The following PCDHGA11 variants were observed in gnomAD, a reference collection of about 807,000 sequenced individuals.
The protein encoded by PCDHGA11 is protocadherin gamma-A11.
In PCDHGA11, 39 loss-of-function variants were observed where a neutral mutation model predicts 60.4. That is an observed-to-expected ratio of 0.65 (90% CI 0.50 to 0.84). PCDHGA11 has a LOEUF of 0.84. Among genes scored for constraint, PCDHGA11 ranks in the 40% least tolerant of loss-of-function variants. The pLI, the probability that PCDHGA11 is intolerant of heterozygous loss-of-function variation, is 0.00. For synonymous variants in PCDHGA11, 533 were observed against 510.3 expected, an observed-to-expected ratio of 1.04 and a Z score of -0.60; for missense variants, 1,165 against 1,197.7, an observed-to-expected ratio of 0.97 and a Z score of 0.40.
intron 1 of PCDHGA11, among the ~76,000 whole-genome samples, chr5:141,488,510 G>A (rs910546464): frequency 1.3e-5 from 2 of 152,152 alleles, no homozygotes; most frequent in Non-Finnish European, 2.9e-5. Context: ...TCCACATTTG[G>A]GGTCTGGGGT....
Position 141,422,092 on chromosome 5 carries a change from G to C in PCDHGA11, c.865G>C (p.Ala289Pro). 1 of 1,611,520 alleles carries C rather than the reference G, an allele frequency of 6.2e-7. No individual in the cohort carries two copies. Among genetic ancestry groups the C allele is most frequent in the Non-Finnish European group, 8.5e-7 (1 of 1,179,176 alleles). The change falls in exon 1 of 4, where the codon GCT becomes CCT. Residue 289 changes from alanine to proline, a missense_variant. By Grantham distance (27) the Ala-to-Pro change is conservative (BLOSUM62 -1). Coordinates refer to ENST00000398587, the MANE Select transcript of PCDHGA11 (RefSeq NM_018914.3). ...MYSFRNMESK[A>P]SEIFQLDSQT... Reference sequence around the variant, plus strand: ...TTCATTTCGGAACATGGAAAGCAAGGCTTCTGAAATATTCCAATTGGATTC... The same window carrying C: ...TTCATTTCGGAACATGGAAAGCAAGCCTTCTGAAATATTCCAATTGGATTC...
intron 1 of PCDHGA11, chr5:141,427,090 A>G: frequency 2.2e-6 from 1 of 458,214 alleles, no homozygotes; most frequent in East Asian, 6.9e-5. Context: ...GACCAGGATG[A>G]GGGTGTCAAT....
In PCDHGA11 at chr5:141,427,233, G is replaced by A. The variant is rs147039909; in HGVS notation, c.2433+3573G>A. On this transcript the variant is annotated intron_variant, in intron 1 of 3. Transcript: ENST00000398587. Reference sequence around the variant, plus strand: ...ATTTCGTAGCAGTTATACCATGAGAGTAGAAGCTAAGGATGGTGGAGGCAT... The same window carrying A: ...ATTTCGTAGCAGTTATACCATGAGAATAGAAGCTAAGGATGGTGGAGGCAT... 180 of 456,756 alleles carry A rather than the reference G, an allele frequency of 3.9e-4. 1 individual carries two copies. The highest frequency in any genetic ancestry group is 3.5e-3 in the African/African-American group (176 of 50,196). The allele number at this position is 456,756 out of a possible 1,614,324, so 28.3% of individuals were successfully genotyped here.
intron 1 of PCDHGA11, among the ~76,000 whole-genome samples, chr5:141,488,554 T>C (rs1313975033): frequency 6.6e-6 from 1 of 152,064 alleles, no homozygotes; most frequent in African/African-American, 2.4e-5. Context: ...CAGCTGACAT[T>C]GAGATTTCCG....
At chr5:141,501,691 G>C (rs910322085) in intron 2 of PCDHGA11, among the ~76,000 whole-genome samples, 1 of 152,092 alleles carries the variant, frequency 6.6e-6, no homozygotes, top group Non-Finnish European at 1.5e-5. Context: ...CTTATCTGCA[G>C]GGTGATTCCG....
intron 1 of PCDHGA11, chr5:141,478,091 A>G: frequency 6.2e-7 from 1 of 1,613,972 alleles, no homozygotes; most frequent in African/African-American, 1.3e-5. Flanking sequence ...GCTCTCCACC[A>G]CTGCTACCCT....
intron 1 of PCDHGA11, chr5:141,424,576 C>CA (rs2096829154): frequency 6.6e-6 from 1 of 152,132 alleles, no homozygotes; most frequent in African/African-American, 2.4e-5. Context: ...AACCTATTTT[C>CA]AAATGTGCTA....
chr5:141,477,808 C>T lies in PCDHGA11; in HGVS notation c.2434-16999C>T, dbSNP rs750186099. 2.5e-6 allele frequency: 4 copies of T among 1,613,994 alleles called. No individual in the cohort carries two copies. In the African/African-American group the frequency reaches 4.0e-5, roughly 16 times the overall value. On this transcript the variant is annotated intron_variant, in intron 1 of 3. Coordinates refer to ENST00000398587, the MANE Select transcript of PCDHGA11 (RefSeq NM_018914.3). The surrounding 1 kb of genome is among the most constrained non-coding windows in gnomAD (Gnocchi z 4.9). ...TTGTCACTGATCGCAATGACAATGC[C>T]CCCCAGGTCCTATATCCTCGGCCAG...
chr5:141,454,842 C>T lies in PCDHGA11; in HGVS notation c.2433+31182C>T, dbSNP rs543795114. 1.2e-4 allele frequency among the ~76,000 whole-genome samples: 12 copies of T among 101,680 alleles called. No homozygotes were observed. The East Asian group carries it at 3.9e-3, about 33-fold the overall frequency. 66.7% of individuals were successfully genotyped at this position (101,680 alleles called of 152,430 possible). ...TTTTTTTTTGAGACAGAGTCGCGCTCTGTCACCCAGGCTGGAGTGCAGTGG... is the reference window on the plus strand; with the variant it reads ...TTTTTTTTTGAGACAGAGTCGCGCTTTGTCACCCAGGCTGGAGTGCAGTGG... On this transcript the variant is annotated intron_variant, in intron 1 of 3. Coordinates refer to ENST00000398587, the MANE Select transcript of PCDHGA11 (RefSeq NM_018914.3).
intron 1 of PCDHGA11, among the ~76,000 whole-genome samples, chr5:141,488,087 G>A (rs1479773288): frequency 6.6e-6 from 1 of 152,198 alleles, no homozygotes; most frequent in East Asian, 1.9e-4. Flanking sequence ...CTAGTACACT[G>A]TGAAGGGACC....
At position 141,487,610 on chromosome 5, in the gene PCDHGA11, C is replaced by A; in HGVS notation, c.2434-7197C>A. On this transcript the variant is annotated intron_variant, in intron 1 of 3. Transcript: ENST00000398587. The surrounding 1 kb of genome is among the most constrained non-coding windows in gnomAD (Gnocchi z 5.0). ...CCCACCCTCTGATCTTCTCTATGGG[C>A]TAGAGGTGAGACCTTTGCAGGCTCA... The A allele has an allele frequency of 6.2e-7, 1 of 1,614,190 alleles. No homozygotes were observed. The highest frequency in any genetic ancestry group is 1.1e-5 in the South Asian group (1 of 91,078).
chr5:141,485,074 G>C lies in PCDHGA11; in HGVS notation c.2434-9733G>C, dbSNP rs2099606548. ...GGCCGAACCGCGCCAGAGCTGGCGC[G>C]GGGAAAGGGAGATAGGTGTCTCCAG... On this transcript the variant is annotated intron_variant, in intron 1 of 3. Coordinates refer to ENST00000398587, the MANE Select transcript of PCDHGA11 (RefSeq NM_018914.3). The surrounding 1 kb of genome is among the most constrained non-coding windows in gnomAD (Gnocchi z 5.7). 1 of 926,946 alleles carries C rather than the reference G, an allele frequency of 1.1e-6. No individual in the cohort carries two copies. The highest frequency in any genetic ancestry group is 1.6e-5 in the South Asian group (1 of 62,606). The allele number at this position is 926,946 out of a possible 1,614,324, so 57.4% of individuals were successfully genotyped here.
At chr5:141,479,937 C>G (rs1322238189) in intron 1 of PCDHGA11, among the ~76,000 whole-genome samples, 1 of 152,212 alleles carries the variant, frequency 6.6e-6, no homozygotes, top group African/African-American at 2.4e-5. Context: ...TCATTGCTAT[C>G]AACTCTTGGA....
intron 1 of PCDHGA11, among the ~76,000 whole-genome samples, chr5:141,443,082 C>A (rs958408385): frequency 6.6e-6 from 1 of 151,624 alleles, no homozygotes; most frequent in African/African-American, 2.4e-5. Flanking sequence ...ACTGAGTGTT[C>A]CAGTCTCCTT....
intron 1 of PCDHGA11, chr5:141,427,507 T>A: frequency 1.7e-6 from 1 of 584,928 alleles, no homozygotes; most frequent in Non-Finnish European, 3.2e-6. Context: ...GATGGGACCC[T>A]GGATTGGGAG....
intron 1 of PCDHGA11, chr5:141,427,308 G>A (rs2097014480): frequency 2.2e-6 from 1 of 456,846 alleles, no homozygotes; most frequent in Non-Finnish European, 4.4e-6. Flanking sequence ...GAATGACAAT[G>A]CCCCAGACGT....
rs1040753474 is a variant in PCDHGA11 at position 141,511,446 on chromosome 5, G to T, written c.*273G>T. 3.1e-6 allele frequency: 2 copies of T among 654,526 alleles called. No individual in the cohort carries two copies. The highest frequency in any genetic ancestry group is 3.7e-5 in the African/African-American group (2 of 54,758). 40.5% of individuals were successfully genotyped at this position (654,526 alleles called of 1,614,324 possible). A position where few individuals can be genotyped will look rare whatever the true frequency, so the allele number is the denominator to read the frequency against. ...GTAGTGGGGTTACTGTAGACACCAA[G>T]AACCATTTGCCACACCCCGTTTAGT... On this transcript the variant is annotated 3_prime_UTR_variant, in exon 4 of 4. Transcript: ENST00000398587.
intron 1 of PCDHGA11, among the ~76,000 whole-genome samples, chr5:141,450,726 A>G (rs1302961852): frequency 2.0e-5 from 3 of 151,932 alleles, no homozygotes; most frequent in Admixed American, 2.0e-4. Flanking sequence ...ACCTCAGGTG[A>G]TCCGCCCGCC....
chr5:141,443,392 T>C (rs151260637), intron 1 of PCDHGA11, among the ~76,000 whole-genome samples: 1,653 of 151,736 alleles, frequency 0.011, 7 homozygotes, highest in Middle Eastern at 0.038. Flanking sequence ...GGCTGAGGTG[T>C]GAGGATCACC....
Sources: allele counts gnomAD v4.1 joint callset (sites outside exome capture counted in the v4.1 genomes callset), GRCh38; gene constraint gnomAD v4.1.1; non-coding constraint Gnocchi (gnomAD v3.1); transcripts MANE v1.5; gene names NCBI Gene and HGNC (gene_info 2026-07-23, HGNC 2026-07-21).